Variants in SMIM31 observed in about 807,000 individuals in gnomAD.
SMIM31 encodes small integral membrane protein 31.
chr4:164,775,694 T>C (rs920875516), intron 2 of SMIM31, among the ~76,000 whole-genome samples: 22 of 152,168 alleles, frequency 1.4e-4, no homozygotes, highest in African/African-American at 5.1e-4. Flanking sequence ...CTGGTGTGGA[T>C]AGGATAAAAA....
rs1260795980 is a variant in SMIM31 at position 164,801,548 on chromosome 4, CT to C, written c.*361del. 2 of 166,438 alleles carry C rather than the reference CT, an allele frequency of 1.2e-5. No individual in the cohort carries two copies. Among genetic ancestry groups the C allele is most frequent in the Non-Finnish European group, 2.6e-5 (2 of 77,900 alleles). The allele number at this position is 166,438 out of a possible 1,614,324, so 10.3% of individuals were successfully genotyped here. A position where few individuals can be genotyped will look rare whatever the true frequency, so the allele number is the denominator to read the frequency against. ...AACAAACAAACAAAAAATTTAATCACTTTTTTTGGTCCTGCGACACACATGA... is the reference window on the plus strand; with the variant it reads ...AACAAACAAACAAAAAATTTAATCACTTTTTTGGTCCTGCGACACACATGA... On this transcript the variant is annotated 3_prime_UTR_variant, in exon 3 of 3. Coordinates refer to ENST00000507311, the MANE Select transcript of SMIM31 (RefSeq NM_001352885.1).
intron 2 of SMIM31, among the ~76,000 whole-genome samples, chr4:164,784,257 C>T (rs1732998557): frequency 6.6e-6 from 1 of 152,146 alleles, no homozygotes; most frequent in African/African-American, 2.4e-5. Flanking sequence ...GCTTGACTCC[C>T]AAGACTGCTC....
At chr4:164,763,041 CA>C (rs1478733146) in intron 1 of SMIM31, among the ~76,000 whole-genome samples, 1 of 151,956 alleles carries the variant, frequency 6.6e-6, no homozygotes, top group African/African-American at 2.4e-5. Flanking sequence ...TAGTTAAAGA[CA>C]AAAGACATAA....
At chr4:164,768,613 A>G (rs113366782) in intron 1 of SMIM31, among the ~76,000 whole-genome samples, 1 of 152,156 alleles carries the variant, frequency 6.6e-6, no homozygotes, top group African/African-American at 2.4e-5. Context: ...AGGAGAAACC[A>G]TTTTGCATGA....
chr4:164,770,950 A>T (rs1407771714), intron 2 of SMIM31, among the ~76,000 whole-genome samples: 1 of 152,202 alleles, frequency 6.6e-6, no homozygotes, highest in Non-Finnish European at 1.5e-5. Context: ...CACATTTCAG[A>T]CGAAATTGAT....
At chr4:164,761,268 A>T (rs1732645893) in intron 1 of SMIM31, among the ~76,000 whole-genome samples, 2 of 152,218 alleles carry the variant, frequency 1.3e-5, no homozygotes, top group African/African-American at 4.8e-5. Flanking sequence ...GTAAATCAAC[A>T]ATTTAAGAAT....
intron 1 of SMIM31, among the ~76,000 whole-genome samples, chr4:164,757,964 A>G (rs1178575125): frequency 8.4e-6 from 1 of 119,510 alleles, no homozygotes; most frequent in East Asian, 2.5e-4. Context: ...GATTATGACT[A>G]TAATTGCCTT....
At chr4:164,774,852 C>T (rs1332122855) in intron 2 of SMIM31, among the ~76,000 whole-genome samples, 3 of 152,074 alleles carry the variant, frequency 2.0e-5, no homozygotes, top group Admixed American at 2.0e-4. Flanking sequence ...AGTAAATTCA[C>T]TTTAGTTGAT....
intron 2 of SMIM31, among the ~76,000 whole-genome samples, chr4:164,791,408 C>T (rs1387314125): frequency 6.6e-6 from 1 of 152,152 alleles, no homozygotes; most frequent in Non-Finnish European, 1.5e-5. Flanking sequence ...TCTCAGCTTA[C>T]TGCAACTTCT....
At chr4:164,780,179 G>A (rs1316957434) in intron 2 of SMIM31, among the ~76,000 whole-genome samples, 1 of 152,186 alleles carries the variant, frequency 6.6e-6, no homozygotes, top group East Asian at 1.9e-4. Context: ...TATAATCCCA[G>A]CACTTTGGGA....
chr4:164,771,366 A>G (rs191063773), intron 2 of SMIM31, among the ~76,000 whole-genome samples: 1 of 152,326 alleles, frequency 6.6e-6, no homozygotes, highest in Admixed American at 6.5e-5. Context: ...AATAGCAGTT[A>G]CTTTAACTAC....
chr4:164,772,081 G>A (rs2110933887), intron 2 of SMIM31, among the ~76,000 whole-genome samples: 1 of 152,242 alleles, frequency 6.6e-6, no homozygotes, highest in African/African-American at 2.4e-5. Flanking sequence ...AATTTATAAA[G>A]AAAAGAATTT....
intron 2 of SMIM31, among the ~76,000 whole-genome samples, chr4:164,789,843 T>A (rs1159822031): frequency 6.6e-6 from 1 of 152,226 alleles, no homozygotes; most frequent in Non-Finnish European, 1.5e-5. Context: ...TTTCTCTCTC[T>A]GAGTCCCTGT....
intron 2 of SMIM31, among the ~76,000 whole-genome samples, chr4:164,774,386 C>T (rs1013809559): frequency 1.3e-5 from 2 of 152,002 alleles, no homozygotes; most frequent in African/African-American, 4.8e-5. Flanking sequence ...CACTGGAATC[C>T]CTCAGGCAAA....
At chr4:164,755,467 G>A (rs191374984) in intron 1 of SMIM31, among the ~76,000 whole-genome samples, 2 of 143,496 alleles carry the variant, frequency 1.4e-5, no homozygotes, top group African/African-American at 2.6e-5. Flanking sequence ...GCTACAGAGG[G>A]AGACTCTGTC....
At chr4:164,772,733 C>T (rs550220423) in intron 2 of SMIM31, among the ~76,000 whole-genome samples, 44 of 151,820 alleles carry the variant, frequency 2.9e-4, no homozygotes, top group South Asian at 1.0e-3. Flanking sequence ...CGCCCGCCAC[C>T]ACGCCCGGCT....
In SMIM31 at chr4:164,788,461, T is replaced by TC. The variant is rs1553966261; in HGVS notation, c.113-12629dup. 5.7e-3 allele frequency among the ~76,000 whole-genome samples: 620 copies of TC among 108,148 alleles called. 11 individuals are homozygous for TC. The highest frequency in any genetic ancestry group is 0.021 in the African/African-American group (581 of 27,620). The allele number at this position is 108,148 out of a possible 152,430, so 70.9% of individuals were successfully genotyped here. The stretch of plus-strand genomic sequence containing the variant: ...GTGGCCAATCCGAATCTATAAAATT[T>TC]CTTTCTTCTAATTTTTCTTTTTTTT... On this transcript the variant is annotated intron_variant, in intron 2 of 2. Coordinates refer to ENST00000507311, the MANE Select transcript of SMIM31 (RefSeq NM_001352885.1).
intron 1 of SMIM31, among the ~76,000 whole-genome samples, chr4:164,759,036 A>C (rs1732611177): frequency 6.6e-6 from 1 of 151,794 alleles, no homozygotes; most frequent in Admixed American, 6.6e-5. Flanking sequence ...TCCAAATGTT[A>C]AGCCGACCCT....
chr4:164,792,967 A>G (rs1261794136), intron 2 of SMIM31, among the ~76,000 whole-genome samples: 2 of 152,206 alleles, frequency 1.3e-5, no homozygotes, highest in African/African-American at 4.8e-5. Flanking sequence ...CAATTTCAAA[A>G]GGGTCTCCTC....
Sources: gnomAD v4.1 joint callset for allele counts (sites outside exome capture counted in the v4.1 genomes callset) on GRCh38, gnomAD v4.1.1 for gene constraint, MANE v1.5 for transcripts, NCBI Gene and HGNC (gene_info 2026-07-23, HGNC 2026-07-21) for gene names.